RRP1: variants seen among roughly 807,000 people sequenced by gnomAD.
RRP1 encodes ribosomal RNA processing protein 1 homolog A.
In RRP1, 37 loss-of-function variants were observed where a neutral mutation model predicts 54.6. That is an observed-to-expected ratio of 0.68 (90% CI 0.52 to 0.89). The LOEUF (loss-of-function observed/expected upper bound fraction) is 0.89. Among genes scored for constraint, RRP1 ranks in the 40% least tolerant of loss-of-function variants. RRP1 has a pLI of 0.00. For missense variants in RRP1, 639 were observed against 612.5 expected (o/e 1.04, Z -0.46); for synonymous variants, 262 against 244.3 (o/e 1.07, Z -0.67).
At chr21:43,798,372 C>T (rs938746673) in intron 8 of RRP1, among the ~76,000 whole-genome samples, 1 of 152,186 alleles carries the variant, frequency 6.6e-6, no homozygotes, top group East Asian at 1.9e-4. Flanking sequence ...AGTTGGCCCC[C>T]TAGACTCGTT....
chr21:43,793,737 G>T (rs1180113146), intron 4 of RRP1, among the ~76,000 whole-genome samples: 5 of 152,382 alleles, frequency 3.3e-5, no homozygotes, highest in African/African-American at 9.6e-5. Flanking sequence ...GAGTCTGGAG[G>T]CGCAGCAGAG....
At chr21:43,803,138 T>G (rs1312735239) in intron 12 of RRP1, among the ~76,000 whole-genome samples, 2 of 152,236 alleles carry the variant, frequency 1.3e-5, no homozygotes, top group Non-Finnish European at 2.9e-5. Context: ...GGCAGTGGCC[T>G]CCTCTTTGTA....
At position 43,791,783 on chromosome 21, in the gene RRP1, C is replaced by T. The variant is rs529270754; in HGVS notation, c.216+351C>T. On this transcript the variant is annotated intron_variant, in intron 2 of 12. Transcript: ENST00000497547. ...CCTCCCAAAGTGCTGGGATTACAGGCATGAGCCACCGCGCCCGGCCTGGTC... is the reference window on the plus strand; with the variant it reads ...CCTCCCAAAGTGCTGGGATTACAGGTATGAGCCACCGCGCCCGGCCTGGTC... Among the ~76,000 whole-genome samples the T allele has an allele frequency of 2.1e-4, 32 of 152,280 alleles. No individual in the cohort carries two copies. The South Asian group carries it at 6.0e-3, about 29-fold the overall frequency.
chr21:43,804,006 G>A lies in RRP1; in HGVS notation c.*232G>A. The A allele has an allele frequency of 3.9e-6, 2 of 508,080 alleles. No homozygotes were observed. The highest frequency in any genetic ancestry group is 3.8e-5 in the South Asian group (1 of 26,254). The allele number at this position is 508,080 out of a possible 1,614,324, so 31.5% of individuals were successfully genotyped here. A position where few individuals can be genotyped will look rare whatever the true frequency, so the allele number is the denominator to read the frequency against. ...GGCTGTGATGACCTTGGGCCAGAAG[G>A]TCAAACTCCGAAGACTGAAACTCTG... On this transcript the variant is annotated 3_prime_UTR_variant, in exon 13 of 13. Coordinates refer to ENST00000497547, the MANE Select transcript of RRP1 (RefSeq NM_003683.6). The surrounding 1 kb of genome is among the most constrained non-coding windows in gnomAD (Gnocchi z 4.3).
At chr21:43,798,321 C>T (rs964300086) in intron 8 of RRP1, among the ~76,000 whole-genome samples, 4 of 152,146 alleles carry the variant, frequency 2.6e-5, no homozygotes, top group African/African-American at 4.8e-5. Context: ...ACGCCCTCTC[C>T]GGACCCCTGG....
chr21:43,802,468 G>A, intron 12 of RRP1, 81 bp downstream of exon 12: 1 of 1,096,798 alleles, frequency 9.1e-7, no homozygotes, highest in Non-Finnish European at 1.4e-6. Flanking sequence ...CACCTGCAGT[G>A]TCTCCCCCTG....
At chr21:43,796,668 C>G (rs1197583329) in intron 5 of RRP1, among the ~76,000 whole-genome samples, 1 of 152,190 alleles carries the variant, frequency 6.6e-6, no homozygotes, top group African/African-American at 2.4e-5. Context: ...CTCGTTTTTC[C>G]TGAGCCTTAG....
intron 8 of RRP1, 127 bp downstream of exon 8, chr21:43,798,227 A>G: frequency 1.3e-6 from 1 of 765,930 alleles, no homozygotes; most frequent in Non-Finnish European, 2.0e-6. Context: ...TCCACAGTCC[A>G]TCCTCAGCAT....
chr21:43,791,107 G>C (rs907327309), intron 1 of RRP1: 3 of 607,780 alleles, frequency 4.9e-6, no homozygotes, highest in Non-Finnish European at 9.2e-6. Flanking sequence ...ATACCTTGTA[G>C]ATCTCAGTCG....
chr21:43,798,233 A>T, intron 8 of RRP1, 133 bp downstream of exon 8: 1 of 742,804 alleles, frequency 1.3e-6, no homozygotes, highest in Non-Finnish European at 2.1e-6. Context: ...GTCCATCCTC[A>T]GCATAGAAGC....
intron 8 of RRP1, 126 bp from the exon 9 acceptor site, chr21:43,799,444 C>T (rs2085059759): frequency 1.0e-6 from 1 of 958,912 alleles, no homozygotes; most frequent in African/African-American, 1.6e-5. Context: ...GCTGTCCGTT[C>T]CCGGGTGTTT....
chr21:43,796,305 G>A (rs3819608), intron 5 of RRP1, among the ~76,000 whole-genome samples: 7,889 of 152,170 alleles, frequency 0.052, 272 homozygotes, highest in South Asian at 0.15. Flanking sequence ...CATTCATTCT[G>A]GGCCTTAGCA....
chr21:43,793,070 C>T (rs577780535), intron 3 of RRP1: 27 of 556,132 alleles, frequency 4.9e-5, no homozygotes, highest in African/African-American at 7.6e-5. Context: ...TTTCTGACTC[C>T]TCTGTTCTCT....
chr21:43,797,334 C>G (rs1327421244), intron 5 of RRP1, 88 bp from the exon 6 acceptor site: 6 of 1,513,936 alleles, frequency 4.0e-6, no homozygotes, highest in Admixed American at 4.2e-5. Flanking sequence ...AGGTTCCCAT[C>G]AGAGCGTGTA....
intron 2 of RRP1, among the ~76,000 whole-genome samples, chr21:43,792,249 C>T (rs747612539): frequency 1.3e-5 from 2 of 152,138 alleles, no homozygotes; most frequent in Non-Finnish European, 2.9e-5. Flanking sequence ...ATGGCTGGCA[C>T]GGTGATGTAG....
intron 11 of RRP1, 43 bp from the exon 12 acceptor site, chr21:43,802,230 TC>T: frequency 2.1e-6 from 3 of 1,445,780 alleles, no homozygotes; most frequent in Non-Finnish European, 1.9e-6. Flanking sequence ...AAACCATAAG[TC>T]CCCAGCCCCC....
chr21:43,801,727 G>A (rs1162851178), intron 11 of RRP1, among the ~76,000 whole-genome samples: 2 of 152,206 alleles, frequency 1.3e-5, no homozygotes, highest in South Asian at 2.1e-4. Context: ...AGTGAGGTGC[G>A]TGAGGATCGT....
chr21:43,794,927 AC>A (rs1306884362), intron 4 of RRP1, among the ~76,000 whole-genome samples: 1 of 136,316 alleles, frequency 7.3e-6, no homozygotes, highest in Non-Finnish European at 1.7e-5. Context: ...ATTACCCCCG[AC>A]CCCCCATGCA....
chr21:43,802,426 C>T (rs375891547), intron 12 of RRP1, 39 bp downstream of exon 12: 4 of 1,535,120 alleles, frequency 2.6e-6, no homozygotes. Context: ...AGCCGGCGTC[C>T]TCACCTGCTT....
Sources: allele counts gnomAD v4.1 joint callset (sites outside exome capture counted in the v4.1 genomes callset), GRCh38; gene constraint gnomAD v4.1.1; non-coding constraint Gnocchi (gnomAD v3.1); transcripts MANE v1.5; gene names NCBI Gene and HGNC (gene_info 2026-07-23, HGNC 2026-07-21).